The following SLC67A2 variants were observed in gnomAD, a reference collection of about 807,000 sequenced individuals.
SLC67A2 encodes solute carrier family 67 member 2, also known as solute carrier family 67 member A2.
the SLC67A2 span, chr2:102,719,111 T>A: frequency 5.0e-6 from 8 of 1,614,256 alleles, no homozygotes; most frequent in Middle Eastern, 3.3e-4. Context: ...CACTGTGTCA[T>A]GGCTCCTTCC....
the SLC67A2 span, among the ~76,000 whole-genome samples, chr2:102,724,714 C>T: frequency 6.6e-6 from 1 of 152,198 alleles, no homozygotes; most frequent in Admixed American, 6.5e-5. Context: ...TGTGATGTGA[C>T]ACAGCGTTTC....
chr2:102,730,309 T>C, the SLC67A2 span, among the ~76,000 whole-genome samples: 1 of 152,260 alleles, frequency 6.6e-6, no homozygotes, highest in Non-Finnish European at 1.5e-5. Flanking sequence ...CTTAGCCTCC[T>C]GAGTAGCTGG....
chr2:102,730,518 G>T, the SLC67A2 span, among the ~76,000 whole-genome samples: 15 of 151,856 alleles, frequency 9.9e-5, no homozygotes, highest in African/African-American at 3.6e-4. Context: ...TCAATGAAGT[G>T]TAATAAATAA....
the SLC67A2 span, among the ~76,000 whole-genome samples, chr2:102,733,144 G>A: frequency 2.0e-5 from 3 of 152,168 alleles, no homozygotes; most frequent in African/African-American, 7.2e-5. Flanking sequence ...CAGTTCTGGG[G>A]ATAAGGACAG....
At chr2:102,725,798 G>A in the SLC67A2 span, among the ~76,000 whole-genome samples, 1 of 152,124 alleles carries the variant, frequency 6.6e-6, no homozygotes, top group Non-Finnish European at 1.5e-5. Flanking sequence ...TGAGTCAGCT[G>A]ATCATCACGT....
the SLC67A2 span, chr2:102,716,152 T>A: frequency 6.6e-6 from 1 of 152,192 alleles, no homozygotes; most frequent in Admixed American, 6.5e-5. Flanking sequence ...AACAAACATG[T>A]CTCTCTACTC....
the SLC67A2 span, among the ~76,000 whole-genome samples, chr2:102,729,595 A>G: frequency 6.6e-6 from 1 of 152,246 alleles, no homozygotes; most frequent in Non-Finnish European, 1.5e-5. Context: ...GTACAATCTG[A>G]TAACTCTAGT....
At chr2:102,736,855 A>C in the SLC67A2 span, 3 of 1,549,424 alleles carry the variant, frequency 1.9e-6, no homozygotes, top group African/African-American at 1.4e-5. Flanking sequence ...CCGCGGACCT[A>C]CCCCGGGAGC....
At chr2:102,715,087 T>A in the SLC67A2 span, among the ~76,000 whole-genome samples, 1 of 152,180 alleles carries the variant, frequency 6.6e-6, no homozygotes, top group African/African-American at 2.4e-5. Context: ...CTGCTGTCCC[T>A]GTCCTCGCGA....
the SLC67A2 span, among the ~76,000 whole-genome samples, chr2:102,727,776 T>A: frequency 6.6e-6 from 1 of 152,208 alleles, no homozygotes; most frequent in Non-Finnish European, 1.5e-5. Context: ...ATCCCATATA[T>A]ACTGTAATTA....
At chr2:102,716,721 T>C in the SLC67A2 span, 1 of 152,228 alleles carries the variant, frequency 6.6e-6, no homozygotes, top group Non-Finnish European at 1.5e-5. Context: ...TTTACAAGTA[T>C]GCATGTGTTA....
the SLC67A2 span, chr2:102,732,131 T>TA: frequency 1.4e-6 from 1 of 695,424 alleles, no homozygotes; most frequent in East Asian, 2.9e-5. Flanking sequence ...TCTTTGAACA[T>TA]ACGTCGTCTA....
the SLC67A2 span, chr2:102,731,048 G>A: frequency 6.2e-7 from 1 of 1,613,814 alleles, no homozygotes; most frequent in South Asian, 1.1e-5. Flanking sequence ...GAAAAGAGTT[G>A]CAAAATGCCA....
the SLC67A2 span, chr2:102,736,661 G>A: frequency 1.9e-6 from 3 of 1,613,978 alleles, no homozygotes; most frequent in Non-Finnish European, 2.5e-6. Flanking sequence ...AGCCCACCAA[G>A]TAGAGACAGA....
the SLC67A2 span, among the ~76,000 whole-genome samples, chr2:102,720,966 G>A: frequency 1.3e-5 from 2 of 152,174 alleles, no homozygotes; most frequent in Non-Finnish European, 2.9e-5. Context: ...AGTATGTGCT[G>A]TCTAGCCAGG....
chr2:102,718,641 C>G, the SLC67A2 span: 1 of 1,613,882 alleles, frequency 6.2e-7, no homozygotes. Flanking sequence ...GCCCCGCCCA[C>G]AGTCAGCTGG....
chr2:102,730,709 AT>A, the SLC67A2 span, among the ~76,000 whole-genome samples: 1 of 151,900 alleles, frequency 6.6e-6, no homozygotes, highest in Non-Finnish European at 1.5e-5. Flanking sequence ...TGCCTGGCTA[AT>A]TTTTTTGTAT....
the SLC67A2 span, among the ~76,000 whole-genome samples, chr2:102,724,162 GGCAATCAAGTCC>G: frequency 6.6e-6 from 1 of 152,018 alleles, no homozygotes. Flanking sequence ...CCTTATCTCT[GGCAATCAAGTCC>G]CTTAACCCTC....
chr2:102,736,209 G>C, the SLC67A2 span, among the ~76,000 whole-genome samples: 1 of 152,066 alleles, frequency 6.6e-6, no homozygotes, highest in African/African-American at 2.4e-5. Flanking sequence ...GTCCAAGCGG[G>C]GTCAAGAGCG....
Sources: allele counts gnomAD v4.1 joint callset (sites outside exome capture counted in the v4.1 genomes callset), GRCh38; gene constraint gnomAD v4.1.1; transcripts MANE v1.5; gene names NCBI Gene and HGNC (gene_info 2026-07-23, HGNC 2026-07-21).